The following DENND1A variants were observed in gnomAD, a reference collection of about 807,000 sequenced individuals.
DENND1A encodes the protein DENN domain-containing protein 1A.
DENND1A carries 51 observed loss-of-function variants against 113.7 expected under a neutral mutation model. The ratio of observed to expected loss-of-function variants is 0.45; its 90% CI spans 0.36 to 0.57. The LOEUF (loss-of-function observed/expected upper bound fraction) is 0.57. Ranked by LOEUF, DENND1A falls within the 20% of genes least tolerant of loss-of-function variation. The pLI is 0.00. For synonymous variants in DENND1A, 565 were observed against 570.8 expected, an observed-to-expected ratio of 0.99 and a Z score of 0.14; for missense variants, 1,258 against 1,395.9, an observed-to-expected ratio of 0.90 and a Z score of 1.57.
chr9:123,500,257 A>G (rs2052355200), intron 13 of DENND1A, among the ~76,000 whole-genome samples: 1 of 152,224 alleles, frequency 6.6e-6, no homozygotes, highest in Non-Finnish European at 1.5e-5. Flanking sequence ...AAACACTTGT[A>G]AATGTCATTC....
chr9:123,763,342 A>G (rs1333824993), intron 4 of DENND1A, among the ~76,000 whole-genome samples: 2 of 152,184 alleles, frequency 1.3e-5, no homozygotes, highest in Non-Finnish European at 2.9e-5. Flanking sequence ...GTTAGCAGAT[A>G]TGAATGACAG....
intron 2 of DENND1A, among the ~76,000 whole-genome samples, chr9:123,848,060 A>T (rs1842849487): frequency 6.6e-6 from 1 of 152,168 alleles, no homozygotes; most frequent in Non-Finnish European, 1.5e-5. Flanking sequence ...AATAAAAACC[A>T]TATAAACAAG....
intron 2 of DENND1A, among the ~76,000 whole-genome samples, chr9:123,860,745 C>T (rs617162): frequency 0.29 from 44,246 of 152,136 alleles, 10,226 homozygotes; most frequent in African/African-American, 0.64. Flanking sequence ...CCTAAGCATG[C>T]GGAACAAAAC....
chr9:123,387,875 CAA>C lies in DENND1A; in HGVS notation c.1632-19_1632-18del. ...TTTACCAGGCTGGGGCAGAGGAAGA[CAA>C]AAGAGAAGAGAACAGGCAGTTAGGG... On this transcript the variant is annotated intron_variant, in intron 21 of 23. Transcript: ENST00000394215. The C allele has an allele frequency of 2.3e-6, 3 of 1,288,938 alleles. No individual in the cohort carries two copies. The highest frequency in any genetic ancestry group is 3.0e-6 in the Non-Finnish European group (3 of 988,020). The allele number at this position is 1,288,938 out of a possible 1,614,324, so 79.8% of individuals were successfully genotyped here.
At chr9:123,661,199 T>C (rs1219946490) in intron 8 of DENND1A, among the ~76,000 whole-genome samples, 4 of 152,164 alleles carry the variant, frequency 2.6e-5, no homozygotes, top group Non-Finnish European at 5.9e-5. Context: ...CAAATAAAAA[T>C]AGGAGTAATT....
intron 8 of DENND1A, among the ~76,000 whole-genome samples, chr9:123,652,579 C>T (rs1166910762): frequency 6.6e-6 from 1 of 152,118 alleles, no homozygotes; most frequent in Admixed American, 6.5e-5. Context: ...AAGAAAGTAC[C>T]CAGGGACCAA....
chr9:123,556,469 G>A (rs2057420802), intron 13 of DENND1A, among the ~76,000 whole-genome samples: 1 of 152,204 alleles, frequency 6.6e-6, no homozygotes, highest in East Asian at 1.9e-4. Context: ...AAGGAAGCGT[G>A]ACCCCTGCTC....
intron 13 of DENND1A, among the ~76,000 whole-genome samples, chr9:123,538,471 G>C (rs1188563555): frequency 2.0e-5 from 3 of 151,966 alleles, no homozygotes; most frequent in Non-Finnish European, 4.4e-5. Context: ...AGAAATGTCT[G>C]ATTCCAGGTT....
At chr9:123,919,054 G>A (rs539312732) in intron 1 of DENND1A, among the ~76,000 whole-genome samples, 63 of 152,162 alleles carry the variant, frequency 4.1e-4, no homozygotes, top group Middle Eastern at 3.4e-3. Context: ...CTGCATGGGG[G>A]AAAAAGACAG....
chr9:123,917,975 G>T (rs1296652230), intron 1 of DENND1A, among the ~76,000 whole-genome samples: 1 of 150,788 alleles, frequency 6.6e-6, no homozygotes, highest in Non-Finnish European at 1.5e-5. Context: ...TTAGCCGGGC[G>T]TGGTGGCGGG....
intron 2 of DENND1A, among the ~76,000 whole-genome samples, chr9:123,878,285 T>C (rs1340868940): frequency 6.6e-6 from 1 of 152,136 alleles, no homozygotes; most frequent in African/African-American, 2.4e-5. Flanking sequence ...TGGCAAAATG[T>C]ATCACCTCTT....
chr9:123,629,257 T>C (rs1229941051), intron 10 of DENND1A, among the ~76,000 whole-genome samples: 5 of 152,216 alleles, frequency 3.3e-5, no homozygotes, highest in African/African-American at 1.2e-4. Context: ...ATGGCTTCCC[T>C]TCTCCTGAAG....
chr9:123,419,332 C>T (rs190359362), intron 19 of DENND1A, among the ~76,000 whole-genome samples: 52 of 152,354 alleles, frequency 3.4e-4, no homozygotes, highest in Non-Finnish European at 6.3e-4. Context: ...ATTGTCCCTT[C>T]CCTGCCAGGT....
In DENND1A at chr9:123,586,776, G is replaced by A. The variant is rs530733708; in HGVS notation, c.766-3506C>T. ...CAAACTGGGGGTGGGGACAGGAAGCGCGGATGAGAAGAAAGCCAGACCGTC... is the reference window on the plus strand; with the variant it reads ...CAAACTGGGGGTGGGGACAGGAAGCACGGATGAGAAGAAAGCCAGACCGTC... On this transcript the variant is annotated intron_variant, in intron 11 of 23. Transcript: ENST00000394215. Among the ~76,000 whole-genome samples the A allele has an allele frequency of 5.3e-5, 8 of 152,258 alleles. No homozygotes were observed. In the South Asian group the frequency reaches 6.2e-4, roughly 12 times the overall value.
At chr9:123,765,822 A>G (rs996344034) in intron 4 of DENND1A, among the ~76,000 whole-genome samples, 2 of 151,928 alleles carry the variant, frequency 1.3e-5, no homozygotes, top group Non-Finnish European at 2.9e-5. Flanking sequence ...ACACTTCACT[A>G]CTCCCTCTCA....
chr9:123,487,865 G>A (rs1386090379), intron 13 of DENND1A, among the ~76,000 whole-genome samples: 2 of 152,232 alleles, frequency 1.3e-5, no homozygotes, highest in African/African-American at 4.8e-5. Context: ...TACAGGTGAA[G>A]AACAGATGAA....
intron 9 of DENND1A, among the ~76,000 whole-genome samples, chr9:123,642,525 G>A (rs2139104781): frequency 6.6e-6 from 1 of 152,280 alleles, no homozygotes; most frequent in East Asian, 1.9e-4. Context: ...GTGTGAACTA[G>A]GTTACTCTCT....
At chr9:123,798,848 A>T (rs983033896) in intron 2 of DENND1A, among the ~76,000 whole-genome samples, 8 of 151,928 alleles carry the variant, frequency 5.3e-5, no homozygotes, top group South Asian at 2.1e-4. Flanking sequence ...GGAATTTTTT[A>T]AAATTACTTC....
At chr9:123,484,939 G>A (rs570436126) in intron 13 of DENND1A, among the ~76,000 whole-genome samples, 3 of 152,318 alleles carry the variant, frequency 2.0e-5, no homozygotes, top group African/African-American at 4.8e-5. Flanking sequence ...CCCCTCTTCT[G>A]TAACATGGAG....
Sources: allele counts gnomAD v4.1 joint callset (sites outside exome capture counted in the v4.1 genomes callset), GRCh38; gene constraint gnomAD v4.1.1; transcripts MANE v1.5; gene names NCBI Gene and HGNC (gene_info 2026-07-23, HGNC 2026-07-21).